CTNNA3: variants seen among roughly 807,000 people sequenced by gnomAD.
CTNNA3 encodes the protein catenin alpha-3.
CTNNA3 carries 76 observed loss-of-function variants against 95.7 expected under a neutral mutation model. That is an observed-to-expected ratio of 0.79 (90% CI 0.66 to 0.96). CTNNA3 has a LOEUF of 0.96. Among genes scored for constraint, CTNNA3 ranks in the 40% least tolerant of loss-of-function variants. CTNNA3 has a pLI of 0.00. For synonymous variants in CTNNA3, 431 were observed against 374.4 expected (o/e 1.15, Z -1.74); for missense variants, 1,191 against 1,089.8 (o/e 1.09, Z -1.31).
rs536440424 is a variant in CTNNA3 at position 66,405,248 on chromosome 10, T to G, written c.1532-25896A>C. Among the ~76,000 whole-genome samples, 6 of 152,258 alleles carry G rather than the reference T, an allele frequency of 3.9e-5. 1 individual carries two copies. The highest frequency in any genetic ancestry group is 1.4e-4 in the African/African-American group (6 of 41,566). On this transcript the variant is annotated intron_variant, in intron 11 of 17. Coordinates refer to ENST00000433211, the MANE Select transcript of CTNNA3 (RefSeq NM_013266.4). ...TCTGGCTTAGATCTAATCAAAGTTT[T>G]TGATAGACTGCTTGACACAGAAAAC...
chr10:66,677,387 A>G (rs1846897387), intron 9 of CTNNA3, among the ~76,000 whole-genome samples: 1 of 130,888 alleles, frequency 7.6e-6, no homozygotes. Context: ...ATAATTTTAT[A>G]CAAAATAGAA....
chr10:67,491,928 T>C (rs1397703797), intron 5 of CTNNA3, among the ~76,000 whole-genome samples: 1 of 152,116 alleles, frequency 6.6e-6, no homozygotes, highest in African/African-American at 2.4e-5. Context: ...ATTTACAATA[T>C]ATGATATATA....
intron 5 of CTNNA3, among the ~76,000 whole-genome samples, chr10:67,280,994 A>T (rs1044377741): frequency 1.3e-5 from 2 of 152,156 alleles, no homozygotes; most frequent in Non-Finnish European, 2.9e-5. Flanking sequence ...TCAAAACATC[A>T]GAGGGAAAGT....
intron 11 of CTNNA3, among the ~76,000 whole-genome samples, chr10:66,461,898 C>T (rs61867239): frequency 0.2 from 30,425 of 150,158 alleles, 3,437 homozygotes; most frequent in South Asian, 0.3. Flanking sequence ...CTGCAACCTC[C>T]GCCTCCCAGG....
chr10:66,193,286 ATGC>A (rs2086779914), intron 13 of CTNNA3, among the ~76,000 whole-genome samples: 2 of 152,178 alleles, frequency 1.3e-5, no homozygotes, highest in African/African-American at 4.8e-5. Flanking sequence ...CCAGAGAAGT[ATGC>A]TGCTGCAAAG....
At chr10:66,450,732 G>T (rs2093458003) in intron 11 of CTNNA3, among the ~76,000 whole-genome samples, 1 of 152,074 alleles carries the variant, frequency 6.6e-6, no homozygotes, top group Non-Finnish European at 1.5e-5. Flanking sequence ...TTAAAATGCT[G>T]CCTCATTTCC....
chr10:67,069,579 C>T lies in CTNNA3; in HGVS notation c.1047+110738G>A, dbSNP rs1393865890. ...CCCGCCCCACCCCACCCCACCCCAC[C>T]CCACCCAGTCCCTGCCCAGAGTAAA... On this transcript the variant is annotated intron_variant, in intron 7 of 17. Transcript: ENST00000433211. 4.8e-5 allele frequency among the ~76,000 whole-genome samples: 7 copies of T among 145,448 alleles called. No homozygotes were observed. In the Admixed American group the frequency reaches 4.9e-4, roughly 10 times the overall value.
chr10:66,374,531 C>T (rs1219262368), intron 12 of CTNNA3, among the ~76,000 whole-genome samples: 3 of 150,772 alleles, frequency 2.0e-5, no homozygotes, highest in African/African-American at 7.3e-5. Context: ...ATGGTAGGCC[C>T]TGGGAGAGAT....
intron 11 of CTNNA3, among the ~76,000 whole-genome samples, chr10:66,455,008 G>T (rs1330366007): frequency 1.3e-5 from 2 of 150,640 alleles, no homozygotes; most frequent in East Asian, 3.9e-4. Context: ...ATAGTCTAAT[G>T]AAAAATGTAA....
At chr10:66,087,643 G>C (rs868583121) in intron 14 of CTNNA3, among the ~76,000 whole-genome samples, 1 of 152,090 alleles carries the variant, frequency 6.6e-6, no homozygotes, top group Non-Finnish European at 1.5e-5. Flanking sequence ...GGAGTGCTTG[G>C]TTGACTCTTT....
intron 7 of CTNNA3, among the ~76,000 whole-genome samples, chr10:66,821,603 A>C (rs1282486278): frequency 6.6e-6 from 1 of 152,174 alleles, no homozygotes. Context: ...ATCCATTTTC[A>C]ACAGGGTTGT....
At chr10:66,341,942 C>A (rs748542108) in intron 12 of CTNNA3, among the ~76,000 whole-genome samples, 5 of 150,896 alleles carry the variant, frequency 3.3e-5, no homozygotes, top group Non-Finnish European at 5.9e-5. Flanking sequence ...ATGAAGTAGG[C>A]ATCATTATGT....
intron 16 of CTNNA3, among the ~76,000 whole-genome samples, chr10:65,970,864 G>A (rs1342030021): frequency 1.3e-5 from 2 of 151,254 alleles, no homozygotes; most frequent in Non-Finnish European, 3.0e-5. Flanking sequence ...TGAAGCATCT[G>A]AATTCATAAA....
intron 7 of CTNNA3, among the ~76,000 whole-genome samples, chr10:67,164,142 GTAGCTAGGA>G (rs1861664385): frequency 6.6e-6 from 1 of 151,880 alleles, no homozygotes; most frequent in Admixed American, 6.6e-5. Flanking sequence ...GAATGACAAA[GTAGCTAGGA>G]TAGCTAAAAA....
At chr10:67,211,788 A>G (rs1003817680) in intron 6 of CTNNA3, among the ~76,000 whole-genome samples, 2 of 152,136 alleles carry the variant, frequency 1.3e-5, no homozygotes, top group African/African-American at 4.8e-5. Context: ...GGCTCACGAA[A>G]TATGTGTTCA....
chr10:66,075,251 T>C (rs1001162057), intron 14 of CTNNA3, among the ~76,000 whole-genome samples: 1 of 151,712 alleles, frequency 6.6e-6, no homozygotes, highest in African/African-American at 2.4e-5. Flanking sequence ...TAATTACCCC[T>C]TAAAAGAGAC....
chr10:67,353,382 T>C (rs747543602), intron 5 of CTNNA3, among the ~76,000 whole-genome samples: 12 of 151,982 alleles, frequency 7.9e-5, no homozygotes, highest in African/African-American at 1.7e-4. Context: ...CTCTGCATTA[T>C]AGTAACTGCA....
At chr10:67,559,821 C>T (rs115304694) in intron 3 of CTNNA3, among the ~76,000 whole-genome samples, 6,380 of 152,092 alleles carry the variant, frequency 0.042, 152 homozygotes, top group South Asian at 0.1. Context: ...AACCAAGGTT[C>T]GAGAATTACG....
Position 66,013,205 on chromosome 10 carries a change from T to C in CTNNA3, c.2160-24408A>G, listed in dbSNP as rs139570078. Among the ~76,000 whole-genome samples the C allele has an allele frequency of 1.1e-3, 160 of 152,232 alleles. 1 individual carries two copies. The highest frequency in any genetic ancestry group is 3.5e-3 in the African/African-American group (144 of 41,556). ...TGTGAGCCACCGTGCCTGGCCTCAATGTTTCTTTTTATATACTGTGCATGT... is the reference window on the plus strand; with the variant it reads ...TGTGAGCCACCGTGCCTGGCCTCAACGTTTCTTTTTATATACTGTGCATGT... On this transcript the variant is annotated intron_variant, in intron 15 of 17. Coordinates refer to ENST00000433211, the MANE Select transcript of CTNNA3 (RefSeq NM_013266.4).
Sources: gnomAD v4.1 joint callset for allele counts (sites outside exome capture counted in the v4.1 genomes callset) on GRCh38, gnomAD v4.1.1 for gene constraint, MANE v1.5 for transcripts, NCBI Gene and HGNC (gene_info 2026-07-23, HGNC 2026-07-21) for gene names.